The following AXL variants were observed in gnomAD, a reference collection of about 807,000 sequenced individuals.
The protein encoded by AXL is AXL receptor tyrosine kinase, also known as tyrosine-protein kinase receptor UFO.
In AXL, 52 loss-of-function variants were observed where a neutral mutation model predicts 104.5. The ratio of observed to expected loss-of-function variants is 0.50; its 90% CI spans 0.40 to 0.63. The LOEUF (loss-of-function observed/expected upper bound fraction) is 0.63. Ranked by LOEUF, AXL falls within the 20% of genes least tolerant of loss-of-function variation. The pLI, the probability that AXL is intolerant of heterozygous loss-of-function variation, is 0.00. For synonymous variants in AXL, 455 were observed against 473.7 expected (o/e 0.96, Z 0.51); for missense variants, 1,024 against 1,188.5 (o/e 0.86, Z 2.04).
At position 41,237,949 on chromosome 19, in the gene AXL, G is replaced by A. The variant is rs1213008133; in HGVS notation, c.789G>A (p.Val263=). Reference sequence around the variant, plus strand: ...ACACCCTTGCCTCTCCTCAGGCTGTGCTGTCAGACGATGGGATGGGCATCC... The same window carrying A: ...ACACCCTTGCCTCTCCTCAGGCTGTACTGTCAGACGATGGGATGGGCATCC... ...YPLTHCTLQA[V]LSDDGMGIQA... The change falls in exon 7 of 20, where the codon GTG becomes GTA. Residue 263 remains valine (V), a synonymous_variant. Transcript: ENST00000301178. 5 of 1,613,676 alleles carry A rather than the reference G, an allele frequency of 3.1e-6. No individual in the cohort carries two copies. Among genetic ancestry groups the A allele is most frequent in the Non-Finnish European group, 4.2e-6 (5 of 1,179,878 alleles).
chr19:41,231,372 C>T, intron 6 of AXL, 74 bp downstream of exon 6: 2 of 1,355,976 alleles, frequency 1.5e-6, no homozygotes, highest in Non-Finnish European at 2.0e-6. Flanking sequence ...CATCCTCTCC[C>T]TGGGAACCCA....
chr19:41,241,556 AAAAG>A (rs912009981), intron 10 of AXL, among the ~76,000 whole-genome samples: 9 of 151,162 alleles, frequency 6.0e-5, no homozygotes, highest in Middle Eastern at 6.8e-3. Context: ...AAAAAAAAAA[AAAAG>A]AAAGAAAGAA....
intron 3 of AXL, 42 bp downstream of exon 3, chr19:41,221,288 G>A: frequency 6.4e-7 from 1 of 1,572,286 alleles, no homozygotes; most frequent in South Asian, 1.1e-5. Context: ...CAGAGGACAT[G>A]TGGCGCTCAT....
chr19:41,237,742 G>A (rs1040190537), intron 6 of AXL, among the ~76,000 whole-genome samples: 1 of 152,180 alleles, frequency 6.6e-6, no homozygotes, highest in Non-Finnish European at 1.5e-5. Flanking sequence ...TTTGGAAGTG[G>A]TGACAGAACC....
Position 41,259,570 on chromosome 19 carries a change from G to T in AXL, c.2351G>T (p.Arg784Leu). The T allele has an allele frequency of 6.2e-7, 1 of 1,607,102 alleles. No individual in the cohort carries two copies. The highest frequency in any genetic ancestry group is 8.5e-7 in the Non-Finnish European group (1 of 1,175,966). ...TGCCCTAGGTATGCCTTGATGTCGC[G>T]GTGCTGGGAGCTAAATCCCCAGGAC... ...CLDGLYALMSRCWELNPQDRP... is the reference protein window; with the variant it reads ...CLDGLYALMSLCWELNPQDRP... The change falls in exon 20 of 20, where the codon CGG (arginine) becomes CTG (leucine). Residue 784 changes from arginine to leucine, a missense_variant. Coordinates refer to ENST00000301178, the MANE Select transcript of AXL (RefSeq NM_021913.5).
intron 10 of AXL, among the ~76,000 whole-genome samples, chr19:41,241,938 G>A (rs961786278): frequency 6.6e-6 from 1 of 152,148 alleles, no homozygotes; most frequent in African/African-American, 2.4e-5. Flanking sequence ...CCTTGCACAC[G>A]CTTCATGCAC....
chr19:41,231,264 G>A lies in AXL; in HGVS notation c.749G>A (p.Ser250Asn), dbSNP rs780756544. 6 of 1,613,646 alleles carry A rather than the reference G, an allele frequency of 3.7e-6. No individual in the cohort carries two copies. The South Asian group carries it at 4.4e-5, about 12-fold the overall frequency. Reference sequence around the variant, plus strand: ...GAGGTGGCTTGGACTCCAGGCCTGAGCGGCATCTACCCCCTGACCCACTGC... The same window carrying A: ...GAGGTGGCTTGGACTCCAGGCCTGAACGGCATCTACCCCCTGACCCACTGC... ...ELEVAWTPGL[S>N]GIYPLTHCTL... The change falls in exon 6 of 20, where the codon AGC becomes AAC. Residue 250 changes from serine to asparagine, a missense_variant. Physicochemically the swap from Ser to Asn is conservative, Grantham distance 46. Around this residue, in one of 5 missense-constraint regions of AXL, gnomAD observed 332 missense variants for 343.9 expected, o/e 0.97. Transcript: ENST00000301178.
chr19:41,222,472 C>A (rs1338762685), intron 4 of AXL, among the ~76,000 whole-genome samples: 5 of 152,172 alleles, frequency 3.3e-5, no homozygotes, highest in Non-Finnish European at 7.3e-5. Context: ...CGGAATCAAC[C>A]GTGCCCTCCT....
At chr19:41,238,435 G>C (rs774368945) in intron 7 of AXL, 35 bp from the exon 8 acceptor site, 1 of 1,595,700 alleles carries the variant, frequency 6.3e-7, no homozygotes, top group Non-Finnish European at 8.6e-7. Context: ...AGGAAGAGGT[G>C]GGGGTGCCAG....
At chr19:41,238,434 T>C in intron 7 of AXL, 36 bp from the exon 8 acceptor site, 1 of 1,594,164 alleles carries the variant, frequency 6.3e-7, no homozygotes. Context: ...CAGGAAGAGG[T>C]GGGGGTGCCA....
At chr19:41,255,825 A>G (rs1424039024) in intron 17 of AXL, among the ~76,000 whole-genome samples, 3 of 151,896 alleles carry the variant, frequency 2.0e-5, no homozygotes, top group Admixed American at 2.0e-4. Context: ...GCTCACTGCA[A>G]CCTCCGCCTA....
intron 6 of AXL, among the ~76,000 whole-genome samples, chr19:41,234,867 C>T (rs1252754625): frequency 6.6e-6 from 1 of 152,190 alleles, no homozygotes; most frequent in Non-Finnish European, 1.5e-5. Flanking sequence ...CTTGGCTGCA[C>T]CATTCCTGAG....
intron 9 of AXL, 96 bp from the exon 10 acceptor site, chr19:41,239,598 A>G (rs2034145644): frequency 8.7e-6 from 13 of 1,493,498 alleles, no homozygotes; most frequent in South Asian, 8.0e-5. Flanking sequence ...CCACACCCTC[A>G]CTCCCTTACC....
chr19:41,253,760 G>A (rs1289454328), intron 17 of AXL, 52 bp downstream of exon 17: 2 of 1,408,740 alleles, frequency 1.4e-6, no homozygotes, highest in Non-Finnish European at 2.0e-6. Flanking sequence ...CACTCCCTGA[G>A]GGAGTTCCCT....
At chr19:41,235,128 G>C (rs1257132853) in intron 6 of AXL, among the ~76,000 whole-genome samples, 2 of 152,174 alleles carry the variant, frequency 1.3e-5, no homozygotes, top group Non-Finnish European at 2.9e-5. Context: ...TGAGCGGGCA[G>C]ATCACCTGAG....
chr19:41,219,337 G>T lies in AXL; in HGVS notation c.-56G>T. 6.6e-7 allele frequency: 1 copy of T among 1,523,304 alleles called. No individual in the cohort carries two copies. Among genetic ancestry groups the T allele is most frequent in the Non-Finnish European group, 8.9e-7 (1 of 1,124,956 alleles). The allele number at this position is 1,523,304 out of a possible 1,614,324, so 94.4% of individuals were successfully genotyped here. A position where few individuals can be genotyped will look rare whatever the true frequency, so the allele number is the denominator to read the frequency against. On this transcript the variant is annotated 5_prime_UTR_variant, in exon 1 of 20. Transcript: ENST00000301178. ...TGGGGGGAGGGCCGGGGACAGCCCG[G>T]CCCTGCCCCCTCCCCCGCTGGGAGC... is the stretch of plus-strand genomic sequence containing the variant.
Position 41,257,617 on chromosome 19 carries a change from G to C in AXL, c.2321G>C (p.Cys774Ser). Residue 774 changes from cysteine to serine, a missense_variant, in exon 19 of 20, where the codon TGT becomes TCT. Around this residue, in one of 5 missense-constraint regions of AXL, gnomAD observed 523 missense variants for 636.0 expected, o/e 0.82. Coordinates refer to ENST00000301178, the MANE Select transcript of AXL (RefSeq NM_021913.5). Reference sequence around the variant, plus strand: ...AATCGCCTGAAGCAGCCTGCGGACTGTCTGGATGGACTGTGAGGACCCTTA... The same window carrying C: ...AATCGCCTGAAGCAGCCTGCGGACTCTCTGGATGGACTGTGAGGACCCTTA... ...QGNRLKQPAD[C>S]LDGLYALMSR... is the part of the protein sequence containing the mutation. 6.2e-7 allele frequency: 1 copy of C among 1,614,190 alleles called. No homozygotes were observed. Among genetic ancestry groups the C allele is most frequent in the Non-Finnish European group, 8.5e-7 (1 of 1,180,020 alleles).
intron 4 of AXL, chr19:41,226,977 A>G (rs1175388661): frequency 5.7e-6 from 1 of 173,946 alleles, no homozygotes; most frequent in Non-Finnish European, 1.1e-5. Flanking sequence ...GGCCGCCTGT[A>G]GTCCCAGCTG....
chr19:41,259,037 G>A (rs1198640146), intron 19 of AXL, among the ~76,000 whole-genome samples: 1 of 152,132 alleles, frequency 6.6e-6, no homozygotes, highest in Non-Finnish European at 1.5e-5. Context: ...TCACAACATG[G>A]CAACCCAGGA....
Sources: allele counts gnomAD v4.1 joint callset (sites outside exome capture counted in the v4.1 genomes callset), GRCh38; gene constraint gnomAD v4.1.1; regional missense constraint gnomAD v4.1.1; transcripts MANE v1.5; gene names NCBI Gene and HGNC (gene_info 2026-07-23, HGNC 2026-07-21).